STPG2: variants seen among roughly 807,000 people sequenced by gnomAD.
The protein encoded by STPG2 is sperm tail PG-rich repeat containing 2.
A neutral mutation model predicts 54.2 loss-of-function variants in STPG2; 56 were observed. The ratio of observed to expected loss-of-function variants is 1.03; its 90% CI spans 0.83 to 1.29. The LOEUF is 1.29. Ranked by LOEUF, STPG2 falls within the 50% of genes most tolerant of loss-of-function variation. The pLI, the probability that STPG2 is intolerant of heterozygous loss-of-function variation, is 0.00. For missense variants in STPG2, 596 were observed against 544.9 expected (o/e 1.09, Z -0.93); for synonymous variants, 200 against 181.8 (o/e 1.10, Z -0.81).
intron 9 of STPG2, among the ~76,000 whole-genome samples, chr4:97,807,504 A>G (rs1045987143): frequency 2.6e-5 from 4 of 152,006 alleles, no homozygotes; most frequent in African/African-American, 9.7e-5. Flanking sequence ...TATCGTGGAA[A>G]TAAAAATAAA....
At chr4:97,931,307 G>C (rs1344909360) in intron 8 of STPG2, among the ~76,000 whole-genome samples, 1 of 152,154 alleles carries the variant, frequency 6.6e-6, no homozygotes, top group African/African-American at 2.4e-5. Context: ...TCAGTATAAG[G>C]TAGGCTGTGG....
At chr4:97,881,020 C>G (rs928048880) in intron 8 of STPG2, among the ~76,000 whole-genome samples, 98 of 151,430 alleles carry the variant, frequency 6.5e-4, no homozygotes, top group African/African-American at 2.3e-3. Flanking sequence ...AAGAGCAAAA[C>G]TGAGAAGATA....
intron 9 of STPG2, among the ~76,000 whole-genome samples, chr4:97,777,226 G>A (rs1039149699): frequency 6.6e-6 from 1 of 152,142 alleles, no homozygotes; most frequent in East Asian, 1.9e-4. Flanking sequence ...ATACTGTTAG[G>A]CCTTCAGCTT....
intron 10 of STPG2, among the ~76,000 whole-genome samples, chr4:97,601,390 T>A (rs745659704): frequency 3.3e-5 from 5 of 152,100 alleles, no homozygotes; most frequent in Non-Finnish European, 7.4e-5. Flanking sequence ...ATTCTACATA[T>A]TCTTATCAAA....
intron 4 of STPG2, among the ~76,000 whole-genome samples, chr4:97,445,311 CA>C (rs1422319861): frequency 6.6e-6 from 1 of 152,040 alleles, no homozygotes; most frequent in Non-Finnish European, 1.5e-5. Context: ...CATTATTGTA[CA>C]CATTGTTTTT....
At chr4:97,936,798 G>C (rs1318471547) in intron 8 of STPG2, among the ~76,000 whole-genome samples, 1 of 152,068 alleles carries the variant, frequency 6.6e-6, no homozygotes, top group Admixed American at 6.6e-5. Flanking sequence ...TTTATATCTG[G>C]CTGCCCTTAA....
intron 8 of STPG2, among the ~76,000 whole-genome samples, chr4:97,930,139 T>C (rs1045850303): frequency 5.9e-5 from 9 of 152,082 alleles, no homozygotes; most frequent in Non-Finnish European, 1.3e-4. Context: ...CCTCGTAATC[T>C]ACCCACCTCA....
At chr4:97,797,328 CA>C (rs1727228167) in intron 9 of STPG2, among the ~76,000 whole-genome samples, 1 of 152,092 alleles carries the variant, frequency 6.6e-6, no homozygotes, top group Non-Finnish European at 1.5e-5. Context: ...GTGGGTTTGT[CA>C]TAAATAGCTC....
intron 5 of STPG2, among the ~76,000 whole-genome samples, chr4:98,019,067 G>C (rs1736078236): frequency 1.3e-5 from 2 of 151,812 alleles, no homozygotes; most frequent in Admixed American, 1.3e-4. Flanking sequence ...CATTGCTTTT[G>C]GTGTTTTAGA....
chr4:97,586,668 A>C (rs1312371251), intron 10 of STPG2, among the ~76,000 whole-genome samples: 2 of 151,980 alleles, frequency 1.3e-5, no homozygotes, highest in Non-Finnish European at 2.9e-5. Flanking sequence ...GAAATAGAAT[A>C]ATGTTTTTAA....
intron 7 of STPG2, among the ~76,000 whole-genome samples, chr4:97,946,402 G>C (rs1001122631): frequency 6.6e-6 from 1 of 152,020 alleles, no homozygotes; most frequent in Admixed American, 6.6e-5. Context: ...AGTTTAATTA[G>C]GTCTAATTTG....
At position 97,761,584 on chromosome 4, in the gene STPG2, G is replaced by A. The variant is rs967374358; in HGVS notation, c.1205-48770C>T. Among the ~76,000 whole-genome samples the A allele has an allele frequency of 1.7e-4, 26 of 152,224 alleles. 1 individual carries two copies. Among genetic ancestry groups the A allele is most frequent in the African/African-American group, 5.8e-4 (24 of 41,536 alleles). ...ACCCAGCTTATGGTACTTAGTTATGGCAGCCCTGGCAAACCAATACACCAT... is the reference window on the plus strand; with the variant it reads ...ACCCAGCTTATGGTACTTAGTTATGACAGCCCTGGCAAACCAATACACCAT... On this transcript the variant is annotated intron_variant, in intron 9 of 10. Transcript: ENST00000295268.
chr4:97,699,832 C>T (rs965860221), intron 10 of STPG2, among the ~76,000 whole-genome samples: 2 of 152,178 alleles, frequency 1.3e-5, no homozygotes, highest in Non-Finnish European at 2.9e-5. Flanking sequence ...GGCAGTGTGG[C>T]ATCAGTGGAG....
At chr4:97,623,637 CACTTT>C (rs771453971) in intron 10 of STPG2, among the ~76,000 whole-genome samples, 6 of 151,886 alleles carry the variant, frequency 4.0e-5, no homozygotes, top group Non-Finnish European at 7.4e-5. Flanking sequence ...TAAAAAATTT[CACTTT>C]ATTTTAAGTT....
intron 10 of STPG2, among the ~76,000 whole-genome samples, chr4:97,710,245 G>T (rs1724071174): frequency 6.6e-6 from 1 of 151,894 alleles, no homozygotes; most frequent in African/African-American, 2.4e-5. Flanking sequence ...GCTAGTAATT[G>T]AAATAAGATG....
At chr4:97,865,175 A>G (rs1433048605) in intron 8 of STPG2, among the ~76,000 whole-genome samples, 2 of 152,232 alleles carry the variant, frequency 1.3e-5, no homozygotes, top group Admixed American at 6.5e-5. Flanking sequence ...ATGGGAGAAA[A>G]TTTTTGCAAT....
At chr4:97,464,182 A>T (rs1034021361) in intron 4 of STPG2, among the ~76,000 whole-genome samples, 1 of 152,214 alleles carries the variant, frequency 6.6e-6, no homozygotes, top group African/African-American at 2.4e-5. Context: ...TCTGTAAAAA[A>T]TTTTATAAAA....
chr4:97,798,883 T>C (rs1342353172), intron 9 of STPG2, among the ~76,000 whole-genome samples: 1 of 38,524 alleles, frequency 2.6e-5, no homozygotes, highest in Admixed American at 3.3e-4. Context: ...TGGGTGCATA[T>C]ATATTTAAGA....
intron 8 of STPG2, among the ~76,000 whole-genome samples, chr4:97,923,438 C>T (rs1013927579): frequency 1.3e-5 from 2 of 152,378 alleles, no homozygotes; most frequent in East Asian, 1.9e-4. Context: ...GGCAGCTCCA[C>T]CTGTGGCCCC....
Sources: allele counts gnomAD v4.1 joint callset (sites outside exome capture counted in the v4.1 genomes callset), GRCh38; gene constraint gnomAD v4.1.1; transcripts MANE v1.5; gene names NCBI Gene and HGNC (gene_info 2026-07-23, HGNC 2026-07-21).